COP1: variants seen among roughly 807,000 people sequenced by gnomAD.
COP1 encodes E3 ubiquitin-protein ligase COP1.
A neutral mutation model predicts 101.3 loss-of-function variants in COP1; 24 were observed. The observed-to-expected ratio is 0.24, with a 90% CI of 0.17 to 0.33. COP1 has a LOEUF of 0.33. Ranked by LOEUF, COP1 falls within the 10% of genes least tolerant of loss-of-function variation. The probability of loss-of-function intolerance (pLI) is 1.00; values close to 1 mark genes in which losing one functional copy is unlikely to be tolerated. For missense variants in COP1, 663 were observed against 906.2 expected (o/e 0.73, Z 3.45); for synonymous variants, 347 against 341.9 (o/e 1.01, Z -0.17).
chr1:176,179,284 C>T (rs1572709623), intron 2 of COP1, among the ~76,000 whole-genome samples: 2 of 146,790 alleles, frequency 1.4e-5, no homozygotes, highest in African/African-American at 2.5e-5. Flanking sequence ...AGTGAGACTC[C>T]GTCTCAAAAA....
chr1:175,956,362 C>T (rs1354805132), intron 18 of COP1, among the ~76,000 whole-genome samples: 1 of 151,796 alleles, frequency 6.6e-6, no homozygotes, highest in Non-Finnish European at 1.5e-5. Flanking sequence ...CATACCATTC[C>T]CAAAATTAAT....
chr1:175,974,110 CA>C (rs531316834), intron 18 of COP1, among the ~76,000 whole-genome samples: 166 of 152,056 alleles, frequency 1.1e-3, no homozygotes, highest in African/African-American at 4.0e-3. Context: ...GTGAGATAAA[CA>C]AGTCTAGAAC....
rs113514457 is a variant in COP1, at chr1:176,163,096, G to A, written c.643-108C>T. ...CTAATATGCTCATTACATAGATATC[G>A]AAAATATATTATAATGTTCCAAACT... On this transcript the variant is annotated intron_variant, in intron 4 of 19. Transcript: ENST00000367669. 338 of 1,100,694 alleles carry A rather than the reference G, an allele frequency of 3.1e-4. 4 individuals are homozygous for A. The African/African-American group carries it at 4.6e-3, about 15-fold the overall frequency. The allele number at this position is 1,100,694 out of a possible 1,614,324, so 68.2% of individuals were successfully genotyped here. A position where few individuals can be genotyped will look rare whatever the true frequency, so the allele number is the denominator to read the frequency against.
intron 11 of COP1, among the ~76,000 whole-genome samples, chr1:176,069,656 G>A (rs1387557170): frequency 6.6e-6 from 1 of 152,144 alleles, no homozygotes; most frequent in African/African-American, 2.4e-5. Context: ...CTTACTTACT[G>A]CATAAGCTCT....
At chr1:176,071,017 C>T (rs1388469956) in intron 11 of COP1, among the ~76,000 whole-genome samples, 1 of 152,132 alleles carries the variant, frequency 6.6e-6, no homozygotes, top group Non-Finnish European at 1.5e-5. Context: ...GCACTTAAAA[C>T]ACTTTATTCT....
Position 176,206,980 on chromosome 1 carries a change from G to C in COP1, c.-2C>G. 7.2e-7 allele frequency: 1 copy of C among 1,384,814 alleles called. No homozygotes were observed. 85.8% of individuals were successfully genotyped at this position (1,384,814 alleles called of 1,614,324 possible). On this transcript the variant is annotated 5_prime_UTR_variant, in exon 1 of 20. Transcript: ENST00000367669. ...CCCGGCCTGGCGGCTACCAGACATCGTGACTCCCTCCCCTCCAGCCGGGCG... is the reference window on the plus strand; with the variant it reads ...CCCGGCCTGGCGGCTACCAGACATCCTGACTCCCTCCCCTCCAGCCGGGCG...
chr1:175,992,329 G>A (rs535814041), intron 15 of COP1, among the ~76,000 whole-genome samples: 3 of 152,326 alleles, frequency 2.0e-5, no homozygotes, highest in East Asian at 3.9e-4. Flanking sequence ...CGCAGAAGAC[G>A]GGTGATTTTG....
chr1:176,057,882 G>C (rs113960895), intron 11 of COP1, among the ~76,000 whole-genome samples: 102,172 of 150,790 alleles, frequency 0.68, 36,100 homozygotes, highest in East Asian at 0.92. Context: ...TCCCATCTAG[G>C]AAGTGAGGAG....
At chr1:176,202,317 G>A (rs1029442519) in intron 1 of COP1, among the ~76,000 whole-genome samples, 8 of 151,100 alleles carry the variant, frequency 5.3e-5, no homozygotes, top group African/African-American at 1.9e-4. Context: ...AGCTTCTTGA[G>A]TAGCTGGGAC....
chr1:175,957,913 G>A (rs978678538), intron 18 of COP1, among the ~76,000 whole-genome samples: 3 of 152,010 alleles, frequency 2.0e-5, no homozygotes, highest in African/African-American at 7.2e-5. Context: ...AAAGGAGCCA[G>A]GTGCAAAAAA....
chr1:176,174,345 G>A (rs1263221485), intron 3 of COP1, among the ~76,000 whole-genome samples: 2 of 152,170 alleles, frequency 1.3e-5, no homozygotes, highest in Non-Finnish European at 2.9e-5. Context: ...TTGCCCTACA[G>A]GATGTGGTTT....
intron 15 of COP1, among the ~76,000 whole-genome samples, chr1:176,023,803 A>G (rs1667210589): frequency 6.6e-6 from 1 of 152,202 alleles, no homozygotes; most frequent in Non-Finnish European, 1.5e-5. Context: ...CCCCAAAAGA[A>G]TAATCCAAGC....
At chr1:175,965,075 G>C (rs1651837447) in intron 18 of COP1, among the ~76,000 whole-genome samples, 1 of 152,050 alleles carries the variant, frequency 6.6e-6, no homozygotes, top group Middle Eastern at 3.2e-3. Context: ...AAACATAAAA[G>C]AATGGGCTTT....
At chr1:176,196,172 A>G (rs1268316410) in intron 1 of COP1, among the ~76,000 whole-genome samples, 3 of 151,432 alleles carry the variant, frequency 2.0e-5, no homozygotes, top group Non-Finnish European at 4.4e-5. Context: ...AAAGAGGGCC[A>G]AAAATCAATG....
At chr1:175,993,114 G>A (rs1005120850) in intron 15 of COP1, among the ~76,000 whole-genome samples, 8 of 152,200 alleles carry the variant, frequency 5.3e-5, no homozygotes, top group Non-Finnish European at 8.8e-5. Flanking sequence ...AGCCACCGCT[G>A]CTGGGACCCA....
At chr1:176,102,011 A>C (rs771088056) in intron 9 of COP1, among the ~76,000 whole-genome samples, 1 of 152,202 alleles carries the variant, frequency 6.6e-6, no homozygotes, top group Non-Finnish European at 1.5e-5. Context: ...CTTCAAGCCT[A>C]AAACAGTCTG....
intron 11 of COP1, among the ~76,000 whole-genome samples, chr1:176,049,166 G>A (rs1482281365): frequency 2.5e-5 from 3 of 119,344 alleles, no homozygotes; most frequent in East Asian, 2.3e-4. Flanking sequence ...GCAACAGAGC[G>A]AGACTCCGTC....
intron 3 of COP1, among the ~76,000 whole-genome samples, chr1:176,166,440 T>C (rs549513340): frequency 6.6e-6 from 1 of 152,294 alleles, no homozygotes; most frequent in East Asian, 1.9e-4. Flanking sequence ...AGATCAAGCC[T>C]GTAAAGGCCA....
rs756182988 is a variant in COP1, at chr1:175,986,969, C to T, written c.2107G>A (p.Val703Met). ...CCATCTGGTAGTGCCCTCCAGCACA[C>T]AGCACTAACAAATTCATTTGTATCA... ...EDDTNEFVSA[V>M]CWRALPDGES... The change falls in exon 18 of 20, where the codon GTG becomes ATG. Residue 703 changes from valine to methionine, a missense_variant. Around this residue, in one of 4 missense-constraint regions of COP1, gnomAD observed 209 missense variants for 383.3 expected, o/e 0.55. Coordinates refer to ENST00000367669, the MANE Select transcript of COP1 (RefSeq NM_022457.7). 9 of 1,606,902 alleles carry T rather than the reference C, an allele frequency of 5.6e-6. No individual in the cohort carries two copies. Among genetic ancestry groups the T allele is most frequent in the Non-Finnish European group, 8.5e-7 (1 of 1,177,824 alleles).
Sources: allele counts gnomAD v4.1 joint callset (sites outside exome capture counted in the v4.1 genomes callset), GRCh38; gene constraint gnomAD v4.1.1; regional missense constraint gnomAD v4.1.1; transcripts MANE v1.5; gene names NCBI Gene and HGNC (gene_info 2026-07-23, HGNC 2026-07-21).